GPC5: variants seen among roughly 807,000 people sequenced by gnomAD.
The protein encoded by GPC5 is glypican 5, also known as glypican-5.
Under a neutral mutation model 53.9 loss-of-function variants are expected in GPC5, and 47 were observed. The observed-to-expected ratio is 0.87, with a 90% confidence interval of 0.69 to 1.11. GPC5 has a LOEUF of 1.11. Among genes scored for constraint, GPC5 ranks in the 50% most tolerant of loss-of-function variants. GPC5 has a pLI of 0.00. For missense variants in GPC5, 748 were observed against 713.1 expected, an observed-to-expected ratio of 1.05 and a Z score of -0.56; for synonymous variants, 286 against 263.3, an observed-to-expected ratio of 1.09 and a Z score of -0.84.
chr13:91,971,823 C>T (rs1376111287), intron 6 of GPC5, among the ~76,000 whole-genome samples: 1 of 152,172 alleles, frequency 6.6e-6, no homozygotes, highest in Non-Finnish European at 1.5e-5. Context: ...GCACTGTGGT[C>T]TGAGAGACAG....
intron 2 of GPC5, among the ~76,000 whole-genome samples, chr13:91,687,478 A>G (rs182113705): frequency 1.3e-5 from 2 of 152,174 alleles, no homozygotes; most frequent in East Asian, 3.9e-4. Flanking sequence ...AAATAGATGC[A>G]GATAAACTTC....
chr13:92,600,441 A>G (rs1028159813), intron 7 of GPC5, among the ~76,000 whole-genome samples: 3 of 152,132 alleles, frequency 2.0e-5, no homozygotes, highest in African/African-American at 4.8e-5. Flanking sequence ...AGATTCTGCC[A>G]GTTAAGAAAG....
chr13:92,762,861 ATTCT>A (rs1263410219), intron 7 of GPC5, among the ~76,000 whole-genome samples: 1 of 151,554 alleles, frequency 6.6e-6, no homozygotes, highest in Admixed American at 6.6e-5. Flanking sequence ...CAAGTTAGAG[ATTCT>A]TTCTTCTGCT....
At chr13:92,394,851 C>A (rs1368388337) in intron 7 of GPC5, among the ~76,000 whole-genome samples, 2 of 152,034 alleles carry the variant, frequency 1.3e-5, no homozygotes, top group East Asian at 1.9e-4. Flanking sequence ...TGGATATAAT[C>A]TTAACTTTTT....
chr13:91,577,606 T>C (rs1286548257), intron 2 of GPC5, among the ~76,000 whole-genome samples: 1 of 152,192 alleles, frequency 6.6e-6, no homozygotes, highest in African/African-American at 2.4e-5. Context: ...AACATTCACA[T>C]TGCATGTTTT....
chr13:91,772,118 C>T (rs185830146), intron 5 of GPC5, among the ~76,000 whole-genome samples: 78 of 152,246 alleles, frequency 5.1e-4, no homozygotes, highest in African/African-American at 1.9e-3. Flanking sequence ...GATCAGGAGG[C>T]AGACAAGGAC....
intron 2 of GPC5, among the ~76,000 whole-genome samples, chr13:91,675,490 T>C (rs184650390): frequency 1.3e-5 from 2 of 152,244 alleles, no homozygotes; most frequent in Admixed American, 6.5e-5. Context: ...AAGTACAAGA[T>C]GAGTAAGGTA....
chr13:91,986,824 A>C (rs758419528), intron 6 of GPC5, among the ~76,000 whole-genome samples: 9 of 151,998 alleles, frequency 5.9e-5, no homozygotes, highest in Non-Finnish European at 1.2e-4. Context: ...TTCATGGTAT[A>C]TGTTAGTAAA....
chr13:92,850,774 G>A (rs969272327), intron 7 of GPC5, among the ~76,000 whole-genome samples: 8 of 152,184 alleles, frequency 5.3e-5, no homozygotes, highest in African/African-American at 1.9e-4. Context: ...TACTATGTAG[G>A]AGATATAATT....
chr13:92,605,676 G>C (rs933220197), intron 7 of GPC5, among the ~76,000 whole-genome samples: 1 of 149,922 alleles, frequency 6.7e-6, no homozygotes, highest in African/African-American at 2.5e-5. Context: ...TGCAAGCTCC[G>C]CTTCCCGGGT....
At chr13:92,432,428 T>A (rs1437804041) in intron 7 of GPC5, among the ~76,000 whole-genome samples, 2 of 143,596 alleles carry the variant, frequency 1.4e-5, no homozygotes, top group Non-Finnish European at 1.5e-5. Flanking sequence ...GCAGGCTCAC[T>A]GCAAGCTCCG....
chr13:91,750,788 G>T (rs143480663), intron 4 of GPC5, among the ~76,000 whole-genome samples: 1 of 139,808 alleles, frequency 7.2e-6, no homozygotes, highest in African/African-American at 2.7e-5. Context: ...TCAGCCTCCC[G>T]AGTAGCTGGG....
chr13:91,971,411 A>G (rs2040240978), intron 6 of GPC5, among the ~76,000 whole-genome samples: 1 of 152,060 alleles, frequency 6.6e-6, no homozygotes, highest in Non-Finnish European at 1.5e-5. Context: ...TCTTTTCAAA[A>G]AACCAGCTCC....
chr13:91,599,825 T>A (rs1182646351), intron 2 of GPC5, among the ~76,000 whole-genome samples: 2 of 152,222 alleles, frequency 1.3e-5, no homozygotes, highest in Non-Finnish European at 2.9e-5. Flanking sequence ...AGTCTAATGA[T>A]GATGTGGTCT....
intron 6 of GPC5, among the ~76,000 whole-genome samples, chr13:92,122,890 T>C (rs1200504885): frequency 3.3e-5 from 5 of 152,188 alleles, no homozygotes; most frequent in African/African-American, 1.2e-4. Context: ...TTTTTACAAA[T>C]GATTTAAAGC....
intron 2 of GPC5, among the ~76,000 whole-genome samples, chr13:91,560,513 G>A (rs2031198327): frequency 6.6e-6 from 1 of 152,118 alleles, no homozygotes; most frequent in Non-Finnish European, 1.5e-5. Flanking sequence ...TAATCACAAT[G>A]CCTTAGCTTA....
At position 91,937,556 on chromosome 13, in the gene GPC5, G is replaced by A. The variant is rs527602893; in HGVS notation, c.1401+29499G>A. The stretch of plus-strand genomic sequence containing the variant: ...TCTATTGACTTATATGGCTACAGAT[G>A]AAGCTTGCAGATACTGTTTTCCAGA... On this transcript the variant is annotated intron_variant, in intron 6 of 7. Coordinates refer to ENST00000377067, the MANE Select transcript of GPC5 (RefSeq NM_004466.6). Among the ~76,000 whole-genome samples the A allele has an allele frequency of 2.0e-5, 3 of 152,148 alleles. No individual in the cohort carries two copies. The East Asian group carries it at 5.8e-4, about 29-fold the overall frequency.
At chr13:92,234,266 G>C (rs555007991) in intron 7 of GPC5, among the ~76,000 whole-genome samples, 5 of 152,140 alleles carry the variant, frequency 3.3e-5, no homozygotes, top group African/African-American at 1.2e-4. Context: ...CTAGTTTACA[G>C]TCCCACCAAC....
intron 6 of GPC5, among the ~76,000 whole-genome samples, chr13:92,132,800 C>A (rs2041754888): frequency 6.6e-6 from 1 of 151,984 alleles, no homozygotes; most frequent in Non-Finnish European, 1.5e-5. Context: ...CATATTTCAA[C>A]CCATAACATA....
Sources: allele counts gnomAD v4.1 joint callset (sites outside exome capture counted in the v4.1 genomes callset), GRCh38; gene constraint gnomAD v4.1.1; transcripts MANE v1.5; gene names NCBI Gene and HGNC (gene_info 2026-07-23, HGNC 2026-07-21).